The following STON2 variants were observed in gnomAD, a reference collection of about 807,000 sequenced individuals.
STON2 encodes stonin 2.
Under a neutral mutation model 65.7 loss-of-function variants are expected in STON2, and 29 were observed. That is an observed-to-expected ratio of 0.44 (90% CI 0.33 to 0.60). The LOEUF is 0.60. Among genes scored for constraint, STON2 ranks in the 20% least tolerant of loss-of-function variants. STON2 has a pLI of 0.03. For missense variants in STON2, 1,054 were observed against 1,118.1 expected (o/e 0.94, Z 0.82); for synonymous variants, 404 against 414.2 (o/e 0.98, Z 0.30).
At chr14:81,369,539 A>C (rs1244171657) in intron 4 of STON2, among the ~76,000 whole-genome samples, 1 of 152,212 alleles carries the variant, frequency 6.6e-6, no homozygotes, top group Non-Finnish European at 1.5e-5. Context: ...TTGCAGCAGG[A>C]AAGAGAACTT....
chr14:81,264,109 T>C lies in STON2; in HGVS notation c.*4305A>G, dbSNP rs1478940587. On this transcript the variant is annotated 3_prime_UTR_variant, in exon 8 of 8. Coordinates refer to ENST00000614646, the MANE Select transcript of STON2 (RefSeq NM_001394390.1). ...GCAAGGCTCAGGCTCATGGATCTGT[T>C]TGACTTGCAGGAACAAAGCAATCAA... The C allele has an allele frequency of 1.0e-6, 1 of 985,310 alleles. No homozygotes were observed. Among genetic ancestry groups the C allele is most frequent in the Non-Finnish European group, 1.2e-6 (1 of 829,940 alleles). The allele number at this position is 985,310 out of a possible 1,614,324, so 61.0% of individuals were successfully genotyped here.
intron 4 of STON2, among the ~76,000 whole-genome samples, chr14:81,363,640 C>T (rs746834954): frequency 7.2e-5 from 11 of 151,844 alleles, no homozygotes; most frequent in Middle Eastern, 3.2e-3. Flanking sequence ...AAAAAAACTG[C>T]TCTGCTATTC....
chr14:81,298,946 G>C (rs17550226), intron 5 of STON2, among the ~76,000 whole-genome samples: 2,928 of 152,218 alleles, frequency 0.019, 41 homozygotes, highest in Middle Eastern at 0.041. Flanking sequence ...AAGAAATTTA[G>C]AAAATACAGA....
chr14:81,368,084 T>C (rs1413057565), intron 4 of STON2, among the ~76,000 whole-genome samples: 1 of 152,126 alleles, frequency 6.6e-6, no homozygotes, highest in Admixed American at 6.6e-5. Context: ...ATATTAAAAA[T>C]AAGCCAAGGC....
At chr14:81,421,480 G>A (rs147556520) in intron 2 of STON2, among the ~76,000 whole-genome samples, 10 of 152,198 alleles carry the variant, frequency 6.6e-5, no homozygotes, top group Non-Finnish European at 1.2e-4. Flanking sequence ...CAATGAGAGA[G>A]ATCAACCAGA....
At chr14:81,281,687 G>T (rs1196348841) in intron 5 of STON2, among the ~76,000 whole-genome samples, 1 of 152,136 alleles carries the variant, frequency 6.6e-6, no homozygotes, top group Non-Finnish European at 1.5e-5. Flanking sequence ...GAGAAAAAAA[G>T]GCCTTTGTCC....
rs573223683 is a variant in STON2, at chr14:81,345,298, A to G, written c.572-21111T>C. On this transcript the variant is annotated intron_variant, in intron 4 of 7. Coordinates refer to ENST00000614646, the MANE Select transcript of STON2 (RefSeq NM_001394390.1). ...ATACAGAGGTATTTAAGATGAAATG[A>G]AGTCATTGCAGTGGGCCCTAATCCA... 5.9e-5 allele frequency among the ~76,000 whole-genome samples: 9 copies of G among 152,294 alleles called. No individual in the cohort carries two copies. The South Asian group carries it at 1.7e-3, about 28-fold the overall frequency.
At chr14:81,302,629 A>G (rs1896010101) in intron 5 of STON2, among the ~76,000 whole-genome samples, 1 of 152,242 alleles carries the variant, frequency 6.6e-6, no homozygotes, top group Non-Finnish European at 1.5e-5. Context: ...AGTTGATTGC[A>G]TGACAAACTG....
chr14:81,284,110 A>ATC (rs765987140), intron 5 of STON2, among the ~76,000 whole-genome samples: 21 of 151,328 alleles, frequency 1.4e-4, no homozygotes, highest in Admixed American at 2.6e-4. Flanking sequence ...CCATTCCCCT[A>ATC]TCTCTCTCTC....
intron 5 of STON2, among the ~76,000 whole-genome samples, chr14:81,307,339 T>A (rs1462473013): frequency 6.6e-6 from 1 of 152,242 alleles, no homozygotes; most frequent in Admixed American, 6.5e-5. Flanking sequence ...TCTTCATTCC[T>A]TGAGGCTGAT....
At chr14:81,352,166 C>G (rs529792899) in intron 4 of STON2, among the ~76,000 whole-genome samples, 11 of 152,002 alleles carry the variant, frequency 7.2e-5, no homozygotes, top group African/African-American at 2.2e-4. Context: ...TATAATAATG[C>G]TATCATTATT....
chr14:81,295,868 T>A (rs1029708223), intron 5 of STON2, among the ~76,000 whole-genome samples: 6 of 152,216 alleles, frequency 3.9e-5, no homozygotes, highest in African/African-American at 1.2e-4. Context: ...ATTTGGAAGG[T>A]GCAGAAGCAC....
intron 1 of STON2, among the ~76,000 whole-genome samples, chr14:81,428,791 A>G (rs1902104382): frequency 6.6e-6 from 1 of 152,216 alleles, no homozygotes; most frequent in African/African-American, 2.4e-5. Flanking sequence ...GCAAACAAAT[A>G]AAATCTGTTT....
chr14:81,314,047 G>T (rs1375655348), intron 5 of STON2, among the ~76,000 whole-genome samples: 4 of 152,200 alleles, frequency 2.6e-5, no homozygotes, highest in Non-Finnish European at 5.9e-5. Flanking sequence ...CCAGTGCCTT[G>T]CAAATTGTAA....
chr14:81,270,605 A>AG, intron 7 of STON2, 65 bp downstream of exon 7: 1 of 1,613,810 alleles, frequency 6.2e-7, no homozygotes. Context: ...AAGGAATAAG[A>AG]GGGGGAGGGT....
At chr14:81,407,290 G>A (rs571072213) in intron 2 of STON2, among the ~76,000 whole-genome samples, 34 of 152,204 alleles carry the variant, frequency 2.2e-4, no homozygotes, top group African/African-American at 7.7e-4. Flanking sequence ...TCATTTCACA[G>A]TAATGTACTG....
At chr14:81,423,940 T>A (rs1365647979) in intron 2 of STON2, among the ~76,000 whole-genome samples, 1 of 152,202 alleles carries the variant, frequency 6.6e-6, no homozygotes, top group Non-Finnish European at 1.5e-5. Flanking sequence ...CTGGCTGCTT[T>A]GGTAGAGTGG....
intron 5 of STON2, among the ~76,000 whole-genome samples, chr14:81,287,384 G>A (rs1399151527): frequency 6.6e-6 from 1 of 152,114 alleles, no homozygotes; most frequent in Non-Finnish European, 1.5e-5. Context: ...TAAAGTACCT[G>A]GTCAGAGATA....
intron 1 of STON2, among the ~76,000 whole-genome samples, chr14:81,432,451 GTGA>G (rs1372835538): frequency 6.6e-6 from 1 of 152,172 alleles, no homozygotes; most frequent in Non-Finnish European, 1.5e-5. Context: ...AATTATGATG[GTGA>G]CCTCAAGTAA....
Sources: allele counts gnomAD v4.1 joint callset (sites outside exome capture counted in the v4.1 genomes callset), GRCh38; gene constraint gnomAD v4.1.1; transcripts MANE v1.5; gene names NCBI Gene and HGNC (gene_info 2026-07-23, HGNC 2026-07-21).